The following SAMD5 variants were observed in gnomAD, a reference collection of about 807,000 sequenced individuals.
The protein encoded by SAMD5 is sterile alpha motif domain-containing protein 5.
A neutral mutation model predicts 11.3 loss-of-function variants in SAMD5; 13 were observed. The observed-to-expected ratio is 1.15, with a 90% CI of 0.75 to 1.83. The LOEUF is 1.83. Among genes scored for constraint, SAMD5 ranks in the 40% most tolerant of loss-of-function variants. SAMD5 has a pLI of 0.00. For synonymous variants in SAMD5, 129 were observed against 111.3 expected (o/e 1.16, Z -1.00); for missense variants, 255 against 239.1 (o/e 1.07, Z -0.44).
intron 1 of SAMD5, among the ~76,000 whole-genome samples, chr6:147,584,040 A>C (rs1789339265): frequency 2.6e-5 from 4 of 152,050 alleles, no homozygotes; most frequent in Admixed American, 2.6e-4. Flanking sequence ...TTAGAAAAAA[A>C]TATATATATA....
At chr6:147,689,692 G>A (rs1791072022) in intron 1 of SAMD5, among the ~76,000 whole-genome samples, 1 of 152,142 alleles carries the variant, frequency 6.6e-6, no homozygotes, top group African/African-American at 2.4e-5. Context: ...TGGTGCTTTA[G>A]GAAAACAATC....
intron 1 of SAMD5, among the ~76,000 whole-genome samples, chr6:147,535,872 TGTGGACAAG>T (rs1362337392): frequency 6.6e-6 from 1 of 152,176 alleles, no homozygotes; most frequent in Admixed American, 6.5e-5. Context: ...AGGGACTCTG[TGTGGACAAG>T]GTATGAGGCC....
intron 1 of SAMD5, among the ~76,000 whole-genome samples, chr6:147,581,456 T>G (rs1789296481): frequency 6.7e-6 from 1 of 149,776 alleles, no homozygotes; most frequent in Non-Finnish European, 1.5e-5. Flanking sequence ...GCGGGAAGAG[T>G]GAGGAGAGGA....
At chr6:147,543,398 G>T (rs1012271049) in intron 1 of SAMD5, among the ~76,000 whole-genome samples, 21 of 152,258 alleles carry the variant, frequency 1.4e-4, no homozygotes, top group African/African-American at 4.3e-4. Context: ...GAACTAAGTT[G>T]AACCTACATG....
At chr6:147,868,465 AC>A in the SAMD5 span, among the ~76,000 whole-genome samples, 1 of 152,182 alleles carries the variant, frequency 6.6e-6, no homozygotes, top group Non-Finnish European at 1.5e-5. Flanking sequence ...TTAATTAATT[AC>A]CTTCAATGTT....
At chr6:147,606,963 C>CAAAAAAAAAA (rs11377845) in intron 1 of SAMD5, among the ~76,000 whole-genome samples, 2 of 131,352 alleles carry the variant, frequency 1.5e-5, no homozygotes, top group African/African-American at 6.1e-5. Context: ...CAGCTTTATC[C>CAAAAAAAAAA]AAAAAAAAAA....
chr6:147,918,163 AT>A, the SAMD5 span, among the ~76,000 whole-genome samples: 1 of 152,116 alleles, frequency 6.6e-6, no homozygotes, highest in African/African-American at 2.4e-5. Flanking sequence ...CAGTATGACC[AT>A]TTTCATGATA....
At chr6:147,867,355 G>GGA in the SAMD5 span, among the ~76,000 whole-genome samples, 1 of 147,928 alleles carries the variant, frequency 6.8e-6, no homozygotes, top group East Asian at 2.0e-4. Context: ...GTGAATATAT[G>GGA]GAGAGAGAAA....
At chr6:147,690,499 A>G (rs1303854655) in intron 1 of SAMD5, among the ~76,000 whole-genome samples, 1 of 152,092 alleles carries the variant, frequency 6.6e-6, no homozygotes, top group Admixed American at 6.6e-5. Context: ...AAATGCAAAA[A>G]TTAGCCGGGC....
downstream of SAMD5, among the ~76,000 whole-genome samples, chr6:147,741,145 T>G (rs1414446709): frequency 1.3e-5 from 2 of 152,174 alleles, no homozygotes; most frequent in African/African-American, 4.8e-5. Context: ...GTAAGACATA[T>G]GGACATTAGA....
At chr6:147,574,134 A>AC (rs1394848356), downstream of SAMD5, among the ~76,000 whole-genome samples, 5 of 152,046 alleles carry the variant, frequency 3.3e-5, no homozygotes, top group Admixed American at 2.0e-4. Flanking sequence ...TCTCAAAAAA[A>AC]AAAAACAAAA....
chr6:147,848,767 C>T, the SAMD5 span, among the ~76,000 whole-genome samples: 1 of 152,320 alleles, frequency 6.6e-6, no homozygotes, highest in African/African-American at 2.4e-5. Context: ...CTCAACCAAA[C>T]AATCTGCTCC....
chr6:147,942,273 A>C, the SAMD5 span, among the ~76,000 whole-genome samples: 1 of 152,216 alleles, frequency 6.6e-6, no homozygotes, highest in Non-Finnish European at 1.5e-5. Flanking sequence ...AGAACCAGAA[A>C]GAAATCACCT....
At chr6:147,919,399 C>G in the SAMD5 span, among the ~76,000 whole-genome samples, 6 of 152,168 alleles carry the variant, frequency 3.9e-5, no homozygotes, top group South Asian at 1.2e-3. Flanking sequence ...AATGAGAAAC[C>G]ATGCGCTAGC....
At chr6:147,666,076 C>G (rs972182419) in intron 1 of SAMD5, among the ~76,000 whole-genome samples, 1 of 152,038 alleles carries the variant, frequency 6.6e-6, no homozygotes, top group African/African-American at 2.4e-5. Context: ...GTAGCTGGGA[C>G]TACAGGCGCC....
At chr6:147,573,303 C>T (rs1029180639), downstream of SAMD5, among the ~76,000 whole-genome samples, 15 of 152,218 alleles carry the variant, frequency 9.9e-5, no homozygotes, top group Middle Eastern at 3.4e-3. Flanking sequence ...TGGGAGGCCT[C>T]AGGAAAATTA....
At chr6:147,800,728 CTG>C in the SAMD5 span, among the ~76,000 whole-genome samples, 1 of 151,076 alleles carries the variant, frequency 6.6e-6, no homozygotes, top group African/African-American at 2.4e-5. Context: ...TGAATTATTA[CTG>C]TTTTAAAAAT....
At chr6:147,704,318 G>GA (rs113148444) in intron 1 of SAMD5, among the ~76,000 whole-genome samples, 12,512 of 150,964 alleles carry the variant, frequency 0.083, 563 homozygotes, top group Middle Eastern at 0.13. Flanking sequence ...TAATTTTCTA[G>GA]AAAAAAAAAT....
chr6:147,873,898 C>A, the SAMD5 span, among the ~76,000 whole-genome samples: 1 of 152,068 alleles, frequency 6.6e-6, no homozygotes, highest in African/African-American at 2.4e-5. Flanking sequence ...TGATGCATCA[C>A]CAATGTTATT....
Sources: gnomAD v4.1 joint callset for allele counts (sites outside exome capture counted in the v4.1 genomes callset) on GRCh38, gnomAD v4.1.1 for gene constraint, MANE v1.5 for transcripts, NCBI Gene and HGNC (gene_info 2026-07-23, HGNC 2026-07-21) for gene names.